Variants in NRXN3 observed in about 807,000 individuals in gnomAD.
The protein encoded by NRXN3 is neurexin III.
In NRXN3, 32 loss-of-function variants were observed where a neutral mutation model predicts 137.6. That is an observed-to-expected ratio of 0.23 (90% CI 0.18 to 0.31). The LOEUF (loss-of-function observed/expected upper bound fraction) is 0.31. NRXN3 is among the 10% of genes least tolerant of loss of function. The pLI, the probability that NRXN3 is intolerant of heterozygous loss-of-function variation, is 1.00. For missense variants in NRXN3, 1,574 were observed against 2,062.5 expected, an observed-to-expected ratio of 0.76 and a Z score of 4.59; for synonymous variants, 798 against 784.5, an observed-to-expected ratio of 1.02 and a Z score of -0.29.
At chr14:78,396,227 C>A (rs1027137335) in intron 4 of NRXN3, among the ~76,000 whole-genome samples, 1 of 151,982 alleles carries the variant, frequency 6.6e-6, no homozygotes, top group African/African-American at 2.4e-5. Flanking sequence ...TTTTAACTGT[C>A]CATGTGAAGT....
At chr14:78,362,904 G>C (rs913492400) in intron 4 of NRXN3, among the ~76,000 whole-genome samples, 2 of 152,246 alleles carry the variant, frequency 1.3e-5, no homozygotes, top group Non-Finnish European at 2.9e-5. Context: ...AATATAAGGT[G>C]TGGAGAGCCA....
intron 1 of NRXN3, among the ~76,000 whole-genome samples, chr14:78,180,519 G>A (rs1326851151): frequency 2.0e-5 from 3 of 152,334 alleles, no homozygotes; most frequent in Admixed American, 6.5e-5. Flanking sequence ...TGAGGAAAGT[G>A]GAGCTTGGGG....
intron 8 of NRXN3, among the ~76,000 whole-genome samples, chr14:78,727,692 G>A (rs965636384): frequency 4.6e-5 from 7 of 152,062 alleles, no homozygotes; most frequent in Non-Finnish European, 7.4e-5. Flanking sequence ...CCAAGATCGC[G>A]CCATTGTACT....
chr14:79,214,593 A>G (rs1167592621), intron 15 of NRXN3, among the ~76,000 whole-genome samples: 1 of 152,228 alleles, frequency 6.6e-6, no homozygotes, highest in African/African-American at 2.4e-5. Flanking sequence ...GATTATGTAT[A>G]ATCATTTGTC....
chr14:78,703,607 G>A (rs2098313050), intron 6 of NRXN3: 1 of 152,206 alleles, frequency 6.6e-6, no homozygotes, highest in Admixed American at 6.5e-5. Flanking sequence ...TGACTTTGCA[G>A]TTAGGTATAC....
In NRXN3 at chr14:78,824,584, A is replaced by G. The variant is rs141368498; in HGVS notation, c.2275+14240A>G. Among the ~76,000 whole-genome samples, 72 of 152,370 alleles carry G rather than the reference A, an allele frequency of 4.7e-4. 1 individual carries two copies. In the East Asian group the frequency reaches 0.012, roughly 25 times the overall value. ...GAGGAAAATTATTCCATCCTTACAA[A>G]GACAGAAATCTCAGCAGATCAGATG... On this transcript the variant is annotated intron_variant, in intron 10 of 20. Coordinates refer to ENST00000335750, the MANE Select transcript of NRXN3 (RefSeq NM_001330195.2).
chr14:79,469,350 T>G (rs2096469295), intron 16 of NRXN3, among the ~76,000 whole-genome samples: 1 of 152,198 alleles, frequency 6.6e-6, no homozygotes, highest in South Asian at 2.1e-4. Flanking sequence ...TGTGGTAACT[T>G]CTAGGAGGAA....
chr14:78,447,210 G>A (rs8003367), intron 4 of NRXN3, among the ~76,000 whole-genome samples: 151,927 of 152,358 alleles, frequency 1, 75,750 homozygotes, highest in Non-Finnish European at 1. Context: ...TCGAGTTGCT[G>A]CATTCTGTCA....
At chr14:79,551,269 C>A (rs1473407658) in intron 16 of NRXN3, among the ~76,000 whole-genome samples, 1 of 152,140 alleles carries the variant, frequency 6.6e-6, no homozygotes, top group Middle Eastern at 3.2e-3. Flanking sequence ...CCATAACTTT[C>A]TGCTCAGAAC....
chr14:79,148,919 C>T (rs1173924804), intron 15 of NRXN3, among the ~76,000 whole-genome samples: 1 of 151,790 alleles, frequency 6.6e-6, no homozygotes, highest in African/African-American at 2.4e-5. Flanking sequence ...TTATTTTTGC[C>T]CTTAAAGTCC....
At chr14:79,223,143 A>C (rs1363061699) in intron 15 of NRXN3, among the ~76,000 whole-genome samples, 3 of 152,160 alleles carry the variant, frequency 2.0e-5, no homozygotes, top group African/African-American at 7.2e-5. Context: ...CAATAATTCC[A>C]GTGAAATGAA....
At chr14:78,859,543 G>A (rs930196213) in intron 10 of NRXN3, among the ~76,000 whole-genome samples, 1 of 151,984 alleles carries the variant, frequency 6.6e-6, no homozygotes, top group Non-Finnish European at 1.5e-5. Flanking sequence ...GCAAAAAATG[G>A]GATCCCTTTC....
At chr14:79,008,429 A>T (rs2099559661) in intron 15 of NRXN3, among the ~76,000 whole-genome samples, 1 of 152,186 alleles carries the variant, frequency 6.6e-6, no homozygotes, top group African/African-American at 2.4e-5. Flanking sequence ...ACTATATGTT[A>T]ATATGTGCAA....
intron 19 of NRXN3, among the ~76,000 whole-genome samples, chr14:79,802,967 G>A (rs568832413): frequency 2.0e-5 from 3 of 152,130 alleles, no homozygotes; most frequent in South Asian, 2.1e-4. Context: ...GCTGATAGGC[G>A]CAGCAAACCA....
At chr14:79,529,987 C>T (rs2097155458) in intron 16 of NRXN3, among the ~76,000 whole-genome samples, 2 of 152,144 alleles carry the variant, frequency 1.3e-5, no homozygotes, top group South Asian at 4.1e-4. Context: ...TCCCATTTTG[C>T]TTTGAAATTG....
chr14:78,802,181 A>G (rs972460494), intron 8 of NRXN3, among the ~76,000 whole-genome samples: 2 of 152,246 alleles, frequency 1.3e-5, no homozygotes, highest in Non-Finnish European at 2.9e-5. Context: ...GTTGAACATC[A>G]TAGTGTTTCA....
intron 20 of NRXN3, among the ~76,000 whole-genome samples, chr14:79,805,921 T>C (rs1262079319): frequency 6.6e-6 from 1 of 152,010 alleles, no homozygotes; most frequent in East Asian, 1.9e-4. Flanking sequence ...CAGATACATT[T>C]TGATGTTTTA....
chr14:78,373,415 C>T (rs1265528013), intron 4 of NRXN3, among the ~76,000 whole-genome samples: 2 of 152,200 alleles, frequency 1.3e-5, no homozygotes, highest in African/African-American at 4.8e-5. Flanking sequence ...GCTGATATTC[C>T]ACCTGTGTGG....
intron 15 of NRXN3, among the ~76,000 whole-genome samples, chr14:79,041,714 T>C (rs1309871724): frequency 6.6e-6 from 1 of 152,206 alleles, no homozygotes; most frequent in Non-Finnish European, 1.5e-5. Flanking sequence ...ACATGAAGTA[T>C]TATATCATAA....
Sources: allele counts gnomAD v4.1 joint callset (sites outside exome capture counted in the v4.1 genomes callset), GRCh38; gene constraint gnomAD v4.1.1; transcripts MANE v1.5; gene names NCBI Gene and HGNC (gene_info 2026-07-23, HGNC 2026-07-21).